TSR1: variants seen among roughly 807,000 people sequenced by gnomAD.
The protein encoded by TSR1 is TSR1 ribosome maturation factor, also known as pre-rRNA-processing protein TSR1 homolog.
Under a neutral mutation model 90.9 loss-of-function variants are expected in TSR1, and 81 were observed. The observed-to-expected ratio is 0.89, with a 90% confidence interval of 0.74 to 1.07. The LOEUF (loss-of-function observed/expected upper bound fraction) is 1.07. Ranked by LOEUF, TSR1 falls within the 50% of genes least tolerant of loss-of-function variation. The pLI is 0.00. For missense variants in TSR1, 989 were observed against 987.3 expected, an observed-to-expected ratio of 1.00 and a Z score of -0.02; for synonymous variants, 362 against 348.8, an observed-to-expected ratio of 1.04 and a Z score of -0.42.
Position 2,336,363 on chromosome 17 carries a change from C to T in TSR1, c.65G>A (p.Arg22Gln), listed in dbSNP as rs909858168. The T allele has an allele frequency of 2.0e-5, 32 of 1,613,780 alleles. No individual in the cohort carries two copies. The highest frequency in any genetic ancestry group is 2.5e-5 in the Non-Finnish European group (30 of 1,180,048). ...GTCCCGCTGTGCAGATCCCCGACCCCGATGCCGTCCGCCTTTATGAGCTTT... is the reference window on the plus strand; with the variant it reads ...GTCCCGCTGTGCAGATCCCCGACCCTGATGCCGTCCGCCTTTATGAGCTTT... ...QNKAHKGGRH[R>Q]GRGSAQRDGK... is the part of the protein sequence containing the mutation. Residue 22 changes from arginine to glutamine, a missense_variant, in exon 1 of 15, where the codon CGG becomes CAG. Coordinates refer to ENST00000301364, the MANE Select transcript of TSR1 (RefSeq NM_018128.5).
At position 2,323,970 on chromosome 17, in the gene TSR1, G is replaced by A. The variant is rs944929467; in HGVS notation, c.*226C>T. 1 of 1,220,020 alleles carries A rather than the reference G, an allele frequency of 8.2e-7. No homozygotes were observed. The highest frequency in any genetic ancestry group is 2.4e-5 in the Admixed American group (1 of 42,248). The allele number at this position is 1,220,020 out of a possible 1,614,324, so 75.6% of individuals were successfully genotyped here. A position where few individuals can be genotyped will look rare whatever the true frequency, so the allele number is the denominator to read the frequency against. On this transcript the variant is annotated 3_prime_UTR_variant, in exon 15 of 15. Transcript: ENST00000301364. ...AACTCTTAGTTATCAGATTCTTAAT[G>A]GAGAGTGGCTATTTCATTAAGATTT...
At position 2,335,681 on chromosome 17, in the gene TSR1, T is replaced by C. The variant is rs753749472; in HGVS notation, c.251A>G (p.Gln84Arg). 1 of 1,614,068 alleles carries C rather than the reference T, an allele frequency of 6.2e-7. No individual in the cohort carries two copies. Among genetic ancestry groups the C allele is most frequent in the African/African-American group, 1.3e-5 (1 of 75,058 alleles). The change falls in exon 3 of 15, where the codon CAG becomes CGG. Residue 84 changes from glutamine (Q) to arginine (R), a missense_variant. Physicochemically the swap from Gln to Arg is conservative, Grantham distance 43. Transcript: ENST00000301364. ...QLGGKDGPPH[Q>R]VLVVPLHSRI... Reference sequence around the variant, plus strand: ...GCTGTGCAGGGGCACCACCAGTACCTGATGAGGAGGGCCATCCTTGCCACC... The same window carrying C: ...GCTGTGCAGGGGCACCACCAGTACCCGATGAGGAGGGCCATCCTTGCCACC...
chr17:2,322,783 T>C lies in TSR1; in HGVS notation c.*1413A>G. On this transcript the variant is annotated 3_prime_UTR_variant, in exon 15 of 15. Coordinates refer to ENST00000301364, the MANE Select transcript of TSR1 (RefSeq NM_018128.5). Reference sequence around the variant, plus strand: ...CGCCCACCTCGGCCTCCCAAAGTGCTGGGATTACAGGCGTGAGCCACTGCG... The same window carrying C: ...CGCCCACCTCGGCCTCCCAAAGTGCCGGGATTACAGGCGTGAGCCACTGCG... 3.8e-6 allele frequency: 1 copy of C among 262,074 alleles called. No individual in the cohort carries two copies. The highest frequency in any genetic ancestry group is 2.2e-5 in the African/African-American group (1 of 44,950). The allele number at this position is 262,074 out of a possible 1,614,324, so 16.2% of individuals were successfully genotyped here. A position where few individuals can be genotyped will look rare whatever the true frequency, so the allele number is the denominator to read the frequency against.
Position 2,332,260 on chromosome 17 carries a change from C to T in TSR1, c.1405G>A (p.Ala469Thr). The part of the protein sequence containing the change: ...YDKKVDEEAE[A>T]KMLEKYKQER... ...TGTTTATATTTCTCCAACATTTTTG[C>T]CTCAGCTTCTTCATCTACTTTCTTA... The change falls in exon 8 of 15, where the codon GCA becomes ACA. Residue 469 changes from alanine to threonine, a missense_variant. By Grantham distance (58) the Ala-to-Thr change is moderately conservative. Transcript: ENST00000301364. 2 of 1,614,064 alleles carry T rather than the reference C, an allele frequency of 1.2e-6. No individual in the cohort carries two copies. Among genetic ancestry groups the T allele is most frequent in the Non-Finnish European group, 1.7e-6 (2 of 1,180,016 alleles).
chr17:2,329,555 T>A, intron 10 of TSR1, 80 bp from the exon 11 acceptor site: 1 of 1,529,544 alleles, frequency 6.5e-7, no homozygotes, highest in Non-Finnish European at 9.0e-7. Context: ...CAAACCAAAC[T>A]AGCAGATTCA....
chr17:2,330,221 A>C, intron 10 of TSR1: 1 of 534,400 alleles, frequency 1.9e-6, no homozygotes, highest in Non-Finnish European at 3.7e-6. Flanking sequence ...GCGCCCAGCC[A>C]AACCTTTATT....
chr17:2,330,969 T>C lies in TSR1; in HGVS notation c.1637A>G (p.Glu546Gly), dbSNP rs947988278. ...TRKSIFKEVE[E>G]KEVEGAEVGW... ...TACCTCAGCTCCTTCAACCTCTTTT[T>C]CTTCAACCTCTTTAAAGATGCTTTT... The change falls in exon 9 of 15, where the codon GAA becomes GGA. Residue 546 changes from glutamate to glycine, a missense_variant. Coordinates refer to ENST00000301364, the MANE Select transcript of TSR1 (RefSeq NM_018128.5). 2 of 1,594,840 alleles carry C rather than the reference T, an allele frequency of 1.3e-6. No homozygotes were observed. The highest frequency in any genetic ancestry group is 2.7e-5 in the African/African-American group (2 of 73,528).
chr17:2,329,298 C>T (rs1316924418), intron 11 of TSR1, 45 bp downstream of exon 11: 2 of 1,611,768 alleles, frequency 1.2e-6, no homozygotes, highest in East Asian at 2.2e-5. Flanking sequence ...AAGTCACTTT[C>T]CCAAAAGACA....
At position 2,323,333 on chromosome 17, in the gene TSR1, G is replaced by A. The variant is rs1450459893; in HGVS notation, c.*863C>T. The stretch of plus-strand genomic sequence containing the variant: ...TGGATGATATCTTCACTGTCACAGA[G>A]GATGAAATTAAGGTGAGGCTCCAGC... On this transcript the variant is annotated 3_prime_UTR_variant, in exon 15 of 15. Transcript: ENST00000301364. 6.2e-7 allele frequency: 1 copy of A among 1,613,962 alleles called. No homozygotes were observed. The highest frequency in any genetic ancestry group is 8.5e-7 in the Non-Finnish European group (1 of 1,179,884).
chr17:2,335,273 G>A lies in TSR1; in HGVS notation c.543C>T (p.Gly181=). 1 of 1,613,670 alleles carries A rather than the reference G, an allele frequency of 6.2e-7. No individual in the cohort carries two copies. The highest frequency in any genetic ancestry group is 8.5e-7 in the Non-Finnish European group (1 of 1,179,882). ...DYCLSCLFAQ[G]LPTYTLAVQG... ...TAACTCACTTACTATAGGTCGGAAG[G>A]CCCTGAGCAAAGAGGCAGGAAAGAC... The change falls in exon 4 of 15, where the codon GGC becomes GGT. Residue 181 remains glycine (G), a synonymous_variant. Coordinates refer to ENST00000301364, the MANE Select transcript of TSR1 (RefSeq NM_018128.5).
At chr17:2,335,125 C>T (rs751355750) in intron 4 of TSR1, 135 bp downstream of exon 4, 2 of 1,125,408 alleles carry the variant, frequency 1.8e-6, no homozygotes, top group Non-Finnish European at 2.5e-6. Flanking sequence ...AATCTGTAAA[C>T]AATGGATCAA....
chr17:2,329,267 A>C (rs1028246938), intron 11 of TSR1, 76 bp downstream of exon 11: 2 of 1,601,500 alleles, frequency 1.2e-6, no homozygotes, highest in Non-Finnish European at 1.7e-6. Context: ...GAAACCATAT[A>C]TTTTGGCACC....
rs1247772570 is a variant in TSR1, at chr17:2,322,435, A to AT, written c.*1760dup. On this transcript the variant is annotated 3_prime_UTR_variant, in exon 15 of 15. Transcript: ENST00000301364. The stretch of plus-strand genomic sequence containing the variant: ...TAATTTATTTATAAAGTGCTTGAAG[A>AT]TATTTTCATTACATCCACAAAAGGG... 3 of 152,246 alleles carry AT rather than the reference A, an allele frequency of 2.0e-5. No homozygotes were observed. The allele number at this position is 152,246 out of a possible 1,614,324, so 9.4% of individuals were successfully genotyped here. A position where few individuals can be genotyped will look rare whatever the true frequency, so the allele number is the denominator to read the frequency against.
intron 6 of TSR1, 170 bp downstream of exon 6, chr17:2,333,387 A>AGACT: frequency 1.1e-6 from 1 of 933,212 alleles, no homozygotes; most frequent in South Asian, 1.4e-5. Context: ...AAATGGAACA[A>AGACT]GACTGTGTAT....
chr17:2,333,602 C>T lies in TSR1; in HGVS notation c.1096G>A (p.Gly366Arg). ...QAEVIPDPME[G>R]EQTWPTEEEL... ...TCCTCAGTGGGCCAGGTTTGCTCTCCCTCCATTGGATCTGGGATAACCTCT... is the reference window on the plus strand; with the variant it reads ...TCCTCAGTGGGCCAGGTTTGCTCTCTCTCCATTGGATCTGGGATAACCTCT... The change falls in exon 6 of 15, where the codon GGA becomes AGA. Residue 366 changes from glycine (G) to arginine (R), a missense_variant. Gly to Arg is a moderately radical substitution (Grantham distance 125, BLOSUM62 -2). Coordinates refer to ENST00000301364, the MANE Select transcript of TSR1 (RefSeq NM_018128.5). The T allele has an allele frequency of 6.2e-7, 1 of 1,614,122 alleles. No homozygotes were observed. Among genetic ancestry groups the T allele is most frequent in the Admixed American group, 1.7e-5 (1 of 60,002 alleles).
Position 2,334,695 on chromosome 17 carries a change from A to T in TSR1, c.758T>A (p.Leu253Gln). Residue 253 changes from leucine (L) to glutamine (Q), a missense_variant, in exon 5 of 15, where the codon CTA (leucine) becomes CAA (glutamine). Physicochemically the swap from Leu to Gln is moderately radical, Grantham distance 113 (BLOSUM62 -2). Coordinates refer to ENST00000301364, the MANE Select transcript of TSR1 (RefSeq NM_018128.5). ...AACAAAATCAACAGCATGGGCAAAT[A>T]GGTAGGCCCGCCGATCTCGAAAAGC... ...HLAFRDRRAYLFAHAVDFVPS... is the reference protein window; with the variant it reads ...HLAFRDRRAYQFAHAVDFVPS... 2 of 1,613,536 alleles carry T rather than the reference A, an allele frequency of 1.2e-6. No individual in the cohort carries two copies. Among genetic ancestry groups the T allele is most frequent in the East Asian group, 2.2e-5 (1 of 44,890 alleles).
chr17:2,335,611 G>A lies in TSR1; in HGVS notation c.321C>T (p.Asp107=). 6.2e-7 allele frequency: 1 copy of A among 1,614,202 alleles called. No homozygotes were observed. The highest frequency in any genetic ancestry group is 8.5e-7 in the Non-Finnish European group (1 of 1,180,032). Residue 107 remains aspartate (D), a synonymous_variant, in exon 3 of 15, where the codon GAC becomes GAT. Coordinates refer to ENST00000301364, the MANE Select transcript of TSR1 (RefSeq NM_018128.5). ...PEAMQLLQDR[D]TGTVHLNELG... ...ATTCATTCAAGTGTACTGTTCCAGTGTCCCTATCTTGAAGCAGCTGCATGG... is the reference window on the plus strand; with the variant it reads ...ATTCATTCAAGTGTACTGTTCCAGTATCCCTATCTTGAAGCAGCTGCATGG...
At chr17:2,334,991 C>A in intron 4 of TSR1, 95 bp from the exon 5 acceptor site, 3 of 1,355,286 alleles carry the variant, frequency 2.2e-6, no homozygotes, top group East Asian at 2.3e-5. Context: ...CAGTTGCAAG[C>A]CCAGAGATCA....
In TSR1 at chr17:2,335,569, G is replaced by A. The variant is rs150856795; in HGVS notation, c.363C>T (p.Asn121=). Reference sequence around the variant, plus strand: ...TCAAGCGGGGGCACAGCAGCATAAAGTTCTGGGTGTTTCCCAATTCATTCA... The same window carrying A: ...TCAAGCGGGGGCACAGCAGCATAAAATTCTGGGTGTTTCCCAATTCATTCA... The part of the protein sequence containing the change: ...VHLNELGNTQ[N]FMLLCPRLKH... The change falls in exon 3 of 15, where the codon AAC becomes AAT. Residue 121 remains asparagine, a synonymous_variant. Coordinates refer to ENST00000301364, the MANE Select transcript of TSR1 (RefSeq NM_018128.5). 6.2e-7 allele frequency: 1 copy of A among 1,614,126 alleles called. No individual in the cohort carries two copies. The highest frequency in any genetic ancestry group is 8.5e-7 in the Non-Finnish European group (1 of 1,180,046).
Sources: allele counts gnomAD v4.1 joint callset, GRCh38; gene constraint gnomAD v4.1.1; transcripts MANE v1.5; gene names NCBI Gene and HGNC (gene_info 2026-07-23, HGNC 2026-07-21).